Variants in NCKAP5 observed in about 807,000 individuals in gnomAD.
NCKAP5 encodes the protein nck-associated protein 5.
NCKAP5 carries 92 observed loss-of-function variants against 167.0 expected under a neutral mutation model. That is an observed-to-expected ratio of 0.55 (90% CI 0.47 to 0.66). The LOEUF (loss-of-function observed/expected upper bound fraction) is 0.66, where lower values mean the gene tolerates loss of function less well. Among genes scored for constraint, NCKAP5 ranks in the 30% least tolerant of loss-of-function variants. The pLI is 0.00. For missense variants in NCKAP5, 2,378 were observed against 2,315.0 expected, an observed-to-expected ratio of 1.03 and a Z score of -0.56; for synonymous variants, 891 against 877.4, an observed-to-expected ratio of 1.02 and a Z score of -0.27.
intron 6 of NCKAP5, among the ~76,000 whole-genome samples, chr2:133,046,665 C>T (rs1301484075): frequency 6.6e-6 from 1 of 152,086 alleles, no homozygotes; most frequent in Non-Finnish European, 1.5e-5. Context: ...ATGCATGAGC[C>T]ACTGCACTTG....
At chr2:133,074,766 T>G (rs1361077311) in intron 6 of NCKAP5, among the ~76,000 whole-genome samples, 3 of 152,098 alleles carry the variant, frequency 2.0e-5, no homozygotes, top group Admixed American at 6.6e-5. Context: ...ATCAATAAAC[T>G]TAAAGATGGA....
At chr2:132,707,738 G>A (rs1688498078) in intron 19 of NCKAP5, among the ~76,000 whole-genome samples, 1 of 152,212 alleles carries the variant, frequency 6.6e-6, no homozygotes, top group Non-Finnish European at 1.5e-5. Context: ...ACATGAGGGT[G>A]AGCCCAGAAG....
intron 19 of NCKAP5, among the ~76,000 whole-genome samples, chr2:132,715,080 A>T (rs529294885): frequency 6.6e-6 from 1 of 152,296 alleles, no homozygotes; most frequent in East Asian, 1.9e-4. Context: ...AGCAGTTGGG[A>T]TGCAAGAAGG....
At chr2:133,018,236 G>A (rs1469617021) in intron 6 of NCKAP5, among the ~76,000 whole-genome samples, 2 of 152,130 alleles carry the variant, frequency 1.3e-5, no homozygotes, top group African/African-American at 2.4e-5. Context: ...TGCAATGAGC[G>A]CCTAGCAATC....
At chr2:133,312,110 A>C (rs1184511808) in intron 3 of NCKAP5, among the ~76,000 whole-genome samples, 1 of 152,228 alleles carries the variant, frequency 6.6e-6, no homozygotes. Flanking sequence ...GATGATAAGA[A>C]AGCATGATGA....
intron 5 of NCKAP5, among the ~76,000 whole-genome samples, chr2:133,179,599 C>T (rs1471254393): frequency 6.6e-6 from 1 of 151,964 alleles, no homozygotes; most frequent in East Asian, 1.9e-4. Flanking sequence ...ACATGTTTAA[C>T]AAGTAAAAAC....
intron 4 of NCKAP5, among the ~76,000 whole-genome samples, chr2:133,247,239 TC>T (rs982388014): frequency 2.0e-5 from 3 of 152,236 alleles, no homozygotes; most frequent in African/African-American, 7.2e-5. Flanking sequence ...TTGTCATGTT[TC>T]TTCCTGATTT....
At chr2:133,354,423 G>A (rs947937087) in intron 3 of NCKAP5, among the ~76,000 whole-genome samples, 8 of 151,732 alleles carry the variant, frequency 5.3e-5, no homozygotes, top group Non-Finnish European at 1.2e-4. Context: ...GCCTGGCTCA[G>A]TTCTCTTTTT....
the NCKAP5 span, among the ~76,000 whole-genome samples, chr2:133,633,324 C>T: frequency 6.6e-6 from 1 of 152,324 alleles, no homozygotes; most frequent in Middle Eastern, 3.4e-3. Flanking sequence ...AGAACGGCCG[C>T]TTGGCCTTTC....
chr2:133,616,481 T>C, the NCKAP5 span, among the ~76,000 whole-genome samples: 1 of 150,734 alleles, frequency 6.6e-6, no homozygotes, highest in Non-Finnish European at 1.5e-5. Context: ...TCACCACCGA[T>C]CCCACAGAAA....
chr2:132,938,988 G>A (rs1452663344), intron 8 of NCKAP5, among the ~76,000 whole-genome samples: 2 of 152,126 alleles, frequency 1.3e-5, no homozygotes, highest in Admixed American at 1.3e-4. Flanking sequence ...AGGACAGGAG[G>A]AGAGGAATTA....
intron 3 of NCKAP5, among the ~76,000 whole-genome samples, chr2:133,402,897 A>G (rs548920813): frequency 1.3e-5 from 2 of 152,320 alleles, no homozygotes; most frequent in African/African-American, 4.8e-5. Context: ...GGACTAATAC[A>G]GTGACAATGC....
chr2:132,672,962 C>G lies in NCKAP5; in HGVS notation c.*327G>C. The G allele has an allele frequency of 9.3e-6, 1 of 107,852 alleles. No homozygotes were observed. 6.7% of individuals were successfully genotyped at this position (107,852 alleles called of 1,614,324 possible). On this transcript the variant is annotated 3_prime_UTR_variant, in exon 20 of 20. Coordinates refer to ENST00000409261, the MANE Select transcript of NCKAP5 (RefSeq NM_207363.3). ...TATCTCTATCAAGCGGTGCACCCCCCACCCCCCACCCATCATTTCTTAAGC... is the reference window on the plus strand; with the variant it reads ...TATCTCTATCAAGCGGTGCACCCCCGACCCCCCACCCATCATTTCTTAAGC...
chr2:133,386,760 G>A (rs971380457), intron 3 of NCKAP5, among the ~76,000 whole-genome samples: 1 of 152,210 alleles, frequency 6.6e-6, no homozygotes. Flanking sequence ...ATTTAGGATA[G>A]TTAGCTCTTC....
chr2:133,329,789 C>T (rs924510849), intron 3 of NCKAP5, among the ~76,000 whole-genome samples: 7 of 152,096 alleles, frequency 4.6e-5, no homozygotes, highest in African/African-American at 1.4e-4. Context: ...ACACTGTACC[C>T]CAAAGGTGAG....
chr2:133,165,177 T>C (rs1333396995), intron 5 of NCKAP5, among the ~76,000 whole-genome samples: 1 of 152,132 alleles, frequency 6.6e-6, no homozygotes, highest in Non-Finnish European at 1.5e-5. Context: ...AACACAGAAT[T>C]ATCTGGCCCA....
At chr2:133,355,504 G>GTC (rs1684648208) in intron 3 of NCKAP5, among the ~76,000 whole-genome samples, 2 of 152,130 alleles carry the variant, frequency 1.3e-5, no homozygotes, top group Non-Finnish European at 2.9e-5. Context: ...AGCTGGAAAT[G>GTC]TCTTTACTCA....
the NCKAP5 span, among the ~76,000 whole-genome samples, chr2:133,589,901 G>A: frequency 1.3e-5 from 2 of 152,220 alleles, no homozygotes; most frequent in African/African-American, 4.8e-5. Context: ...CCACAGCTAA[G>A]GCAAAGTTGG....
chr2:132,835,267 T>C (rs1466956491), intron 11 of NCKAP5, among the ~76,000 whole-genome samples: 1 of 152,162 alleles, frequency 6.6e-6, no homozygotes. Context: ...TGTTGGTCTA[T>C]AGTTCTCTCT....
Sources: allele counts gnomAD v4.1 joint callset (sites outside exome capture counted in the v4.1 genomes callset), GRCh38; gene constraint gnomAD v4.1.1; transcripts MANE v1.5; gene names NCBI Gene and HGNC (gene_info 2026-07-23, HGNC 2026-07-21).